MOSMO: variants seen among roughly 807,000 people sequenced by gnomAD.
MOSMO encodes modulator of smoothened.
In MOSMO, 5 loss-of-function variants were observed where a neutral mutation model predicts 18.4. That is an observed-to-expected ratio of 0.27 (90% CI 0.14 to 0.57). MOSMO has a LOEUF of 0.57. Ranked by LOEUF, MOSMO falls within the 20% of genes least tolerant of loss-of-function variation. The probability of loss-of-function intolerance (pLI) is 0.92; values close to 1 mark genes in which losing one functional copy is unlikely to be tolerated. For missense variants in MOSMO, 138 were observed against 211.8 expected (o/e 0.65, Z 2.16); for synonymous variants, 82 against 82.3 (o/e 1.00, Z 0.02).
chr16:22,024,582 G>A (rs1388386349), intron 1 of MOSMO, among the ~76,000 whole-genome samples: 6 of 152,038 alleles, frequency 3.9e-5, no homozygotes, highest in Non-Finnish European at 8.8e-5. Flanking sequence ...GGCCAGGATG[G>A]TCTCGATCTC....
chr16:22,077,253 A>G (rs1331471509), intron 2 of MOSMO, among the ~76,000 whole-genome samples: 1 of 152,218 alleles, frequency 6.6e-6, no homozygotes, highest in African/African-American at 2.4e-5. Flanking sequence ...ATATGCTCTC[A>G]TGAGCTATAG....
chr16:22,074,651 T>C (rs1226309345), intron 1 of MOSMO, among the ~76,000 whole-genome samples: 5 of 152,228 alleles, frequency 3.3e-5, no homozygotes, highest in Admixed American at 3.3e-4. Context: ...CCAAATTTGA[T>C]TGAGGGAGGG....
At chr16:22,032,435 A>G (rs1248389853) in intron 1 of MOSMO, among the ~76,000 whole-genome samples, 1 of 150,784 alleles carries the variant, frequency 6.6e-6, no homozygotes, top group African/African-American at 2.4e-5. Flanking sequence ...CAAGTGATCC[A>G]CTCGCCTTGG....
At chr16:22,023,594 A>G (rs1899808007) in intron 1 of MOSMO, among the ~76,000 whole-genome samples, 1 of 150,308 alleles carries the variant, frequency 6.7e-6, no homozygotes, top group African/African-American at 2.5e-5. Context: ...TCTCTTATCC[A>G]TCACCTCCTA....
chr16:22,088,123 A>G (rs1901221822), downstream of MOSMO, among the ~76,000 whole-genome samples: 1 of 152,074 alleles, frequency 6.6e-6, no homozygotes. Context: ...TCCTGGGCTC[A>G]AGCGATTCAC....
chr16:22,009,435 T>C (rs1243645221), intron 1 of MOSMO, among the ~76,000 whole-genome samples: 1 of 151,986 alleles, frequency 6.6e-6, no homozygotes, highest in Admixed American at 6.6e-5. Context: ...TCCAAGATTT[T>C]TCTCAGCTTG....
chr16:22,033,037 T>C lies in MOSMO; in HGVS notation c.106+24630T>C, dbSNP rs1342262528. ...TCTGGAATCTCAAGTTTTTTTCCAT[T>C]GATCTATGTCCTTATACCAGTGCTA... On this transcript the variant is annotated intron_variant, in intron 1 of 2. Coordinates refer to ENST00000542527, the MANE Select transcript of MOSMO (RefSeq NM_001164579.2). Among the ~76,000 whole-genome samples the C allele has an allele frequency of 2.0e-5, 3 of 152,224 alleles. No homozygotes were observed. In the East Asian group the frequency reaches 5.8e-4, roughly 29 times the overall value.
chr16:22,010,242 T>C (rs1899496268), intron 1 of MOSMO, among the ~76,000 whole-genome samples: 1 of 152,224 alleles, frequency 6.6e-6, no homozygotes, highest in Non-Finnish European at 1.5e-5. Context: ...CATAGAGTTT[T>C]AGCAGAACTC....
chr16:22,045,570 G>C (rs1182934011), intron 1 of MOSMO, among the ~76,000 whole-genome samples: 4 of 151,988 alleles, frequency 2.6e-5, no homozygotes, highest in Admixed American at 2.6e-4. Context: ...AGTTTAAAAA[G>C]GTTTTAGTTA....
intron 1 of MOSMO, among the ~76,000 whole-genome samples, chr16:22,020,452 G>T (rs1011698815): frequency 2.0e-5 from 3 of 151,448 alleles, no homozygotes; most frequent in Non-Finnish European, 2.9e-5. Flanking sequence ...GCGCCACCAC[G>T]CCCAGCTAAT....
chr16:22,092,424 G>A, downstream of MOSMO: 2 of 501,502 alleles, frequency 4.0e-6, no homozygotes, highest in South Asian at 2.3e-5. Context: ...CAACACAGCT[G>A]GTGACTTCTT....
intron 1 of MOSMO, among the ~76,000 whole-genome samples, chr16:22,041,640 A>G (rs530214322): frequency 2.6e-5 from 4 of 152,250 alleles, no homozygotes; most frequent in Non-Finnish European, 5.9e-5. Flanking sequence ...TTCAGGAAAG[A>G]GAAGAAGTTC....
At chr16:22,036,693 C>G (rs1398375976) in intron 1 of MOSMO, among the ~76,000 whole-genome samples, 2 of 152,144 alleles carry the variant, frequency 1.3e-5, no homozygotes, top group Admixed American at 6.5e-5. Flanking sequence ...GGTATTCCCC[C>G]ACCCCCACTT....
intron 1 of MOSMO, among the ~76,000 whole-genome samples, chr16:22,020,889 A>G (rs1165352895): frequency 1.3e-5 from 2 of 152,200 alleles, no homozygotes; most frequent in Non-Finnish European, 2.9e-5. Flanking sequence ...TTCTTCTTAT[A>G]TATGTCAACA....
At chr16:22,043,780 C>T (rs1275251229) in intron 1 of MOSMO, among the ~76,000 whole-genome samples, 1 of 151,958 alleles carries the variant, frequency 6.6e-6, no homozygotes, top group East Asian at 1.9e-4. Context: ...TAGAGACTTG[C>T]CTTAAATATA....
chr16:22,054,959 AG>A (rs1464728048), intron 1 of MOSMO, among the ~76,000 whole-genome samples: 3 of 150,978 alleles, frequency 2.0e-5, no homozygotes, highest in African/African-American at 4.9e-5. Context: ...TTGTAAAGAT[AG>A]GGGTTTTTTT....
At chr16:22,034,747 T>G (rs1485241881) in intron 1 of MOSMO, among the ~76,000 whole-genome samples, 2 of 106,620 alleles carry the variant, frequency 1.9e-5, no homozygotes, top group Non-Finnish European at 3.6e-5. Flanking sequence ...TTTTTGGGTT[T>G]TTTTTTTTTT....
chr16:22,054,181 G>A (rs1030308705), intron 1 of MOSMO, among the ~76,000 whole-genome samples: 1 of 151,570 alleles, frequency 6.6e-6, no homozygotes, highest in Non-Finnish European at 1.5e-5. Context: ...CTGCAGTCTC[G>A]ATCCCCAGGG....
At chr16:22,013,877 GT>G (rs1270990152) in intron 1 of MOSMO, among the ~76,000 whole-genome samples, 1 of 148,984 alleles carries the variant, frequency 6.7e-6, no homozygotes, top group Non-Finnish European at 1.5e-5. Context: ...GGATGTTACT[GT>G]TTGGGGGGGG....
Sources: allele counts gnomAD v4.1 joint callset (sites outside exome capture counted in the v4.1 genomes callset), GRCh38; gene constraint gnomAD v4.1.1; transcripts MANE v1.5; gene names NCBI Gene and HGNC (gene_info 2026-07-23, HGNC 2026-07-21).